LSAMP: variants seen among roughly 807,000 people sequenced by gnomAD.
LSAMP encodes the protein limbic system-associated membrane protein.
A neutral mutation model predicts 38.6 loss-of-function variants in LSAMP; 7 were observed. The ratio of observed to expected loss-of-function variants is 0.18; its 90% CI spans 0.10 to 0.34. The LOEUF (loss-of-function observed/expected upper bound fraction) is 0.34, where lower values mean the gene tolerates loss of function less well. Ranked by LOEUF, LSAMP falls within the 10% of genes least tolerant of loss-of-function variation. LSAMP has a pLI of 1.00. For missense variants in LSAMP, 313 were observed against 420.0 expected (o/e 0.75, Z 2.23); for synonymous variants, 154 against 166.8 (o/e 0.92, Z 0.59).
At chr3:116,006,622 T>C (rs895230948) in intron 3 of LSAMP, among the ~76,000 whole-genome samples, 2 of 152,136 alleles carry the variant, frequency 1.3e-5, no homozygotes, top group African/African-American at 4.8e-5. Context: ...CCATCCATCT[T>C]CACCTAGATG....
chr3:116,209,380 G>A lies in LSAMP; in HGVS notation c.156-122824C>T, dbSNP rs546095200. Among the ~76,000 whole-genome samples, 85 of 152,350 alleles carry A rather than the reference G, an allele frequency of 5.6e-4. No individual in the cohort carries two copies. In the South Asian group the frequency reaches 0.017, roughly 30 times the overall value. ...GTCTTCTGCTTCGCTCACGCTGGGA[G>A]CTGTAGACCGGAGCTGTTCCTGTTC... On this transcript the variant is annotated intron_variant, in intron 1 of 6. Transcript: ENST00000490035.
In LSAMP at chr3:115,931,527, G is replaced by T. The variant is rs567559386; in HGVS notation, c.515-78910C>A. On this transcript the variant is annotated intron_variant, in intron 3 of 6. Coordinates refer to ENST00000490035, the MANE Select transcript of LSAMP (RefSeq NM_002338.5). ...GTCAGACTGCAGGTACAAATGAGCC[G>T]TTGGGTCAGAGAGGGTCCTGTTTAG... 2.6e-5 allele frequency among the ~76,000 whole-genome samples: 4 copies of T among 152,268 alleles called. No individual in the cohort carries two copies. The East Asian group carries it at 7.7e-4, about 29-fold the overall frequency.
At chr3:116,141,837 A>G (rs544108497) in intron 1 of LSAMP, among the ~76,000 whole-genome samples, 31 of 152,066 alleles carry the variant, frequency 2.0e-4, no homozygotes, top group East Asian at 3.9e-4. Context: ...TTATCAGACT[A>G]TCATTGGTTG....
chr3:116,170,560 C>A (rs1157562440), intron 1 of LSAMP, among the ~76,000 whole-genome samples: 1 of 152,048 alleles, frequency 6.6e-6, no homozygotes, highest in Non-Finnish European at 1.5e-5. Flanking sequence ...AGCTAGCATA[C>A]CAGCCTCTGA....
At chr3:116,072,428 T>C (rs1052448318) in intron 2 of LSAMP, among the ~76,000 whole-genome samples, 5 of 152,184 alleles carry the variant, frequency 3.3e-5, no homozygotes, top group Admixed American at 6.5e-5. Context: ...AGTAATGAGA[T>C]TGCTGGGTCG....
chr3:116,101,240 CGGA>C (rs1374757277), intron 1 of LSAMP, among the ~76,000 whole-genome samples: 1 of 152,144 alleles, frequency 6.6e-6, no homozygotes. Flanking sequence ...GTGTTGAAAG[CGGA>C]GAAGTTGTGA....
At chr3:115,895,553 A>G (rs1559870949) in intron 3 of LSAMP, among the ~76,000 whole-genome samples, 1 of 152,118 alleles carries the variant, frequency 6.6e-6, no homozygotes. Context: ...ATTTTTCAGT[A>G]TAAGACCCCT....
intron 1 of LSAMP, among the ~76,000 whole-genome samples, chr3:116,172,551 T>G (rs942884739): frequency 6.6e-6 from 1 of 152,008 alleles, no homozygotes; most frequent in Non-Finnish European, 1.5e-5. Flanking sequence ...CAAAGGCAAC[T>G]TCAAACCTAG....
rs542699109 is a variant in LSAMP at position 115,972,998 on chromosome 3, G to A, written c.514+46517C>T. Among the ~76,000 whole-genome samples, 16 of 152,098 alleles carry A rather than the reference G, an allele frequency of 1.1e-4. No individual in the cohort carries two copies. The East Asian group carries it at 2.9e-3, about 28-fold the overall frequency. ...ACATTACTGGCAAAAACAGTGGAAT[G>A]AATGAAGAGATTGAGGCAGACAAGA... On this transcript the variant is annotated intron_variant, in intron 3 of 6. Coordinates refer to ENST00000490035, the MANE Select transcript of LSAMP (RefSeq NM_002338.5).
At chr3:116,401,725 T>C (rs1028294071) in intron 1 of LSAMP, among the ~76,000 whole-genome samples, 1 of 152,236 alleles carries the variant, frequency 6.6e-6, no homozygotes, top group Non-Finnish European at 1.5e-5. Context: ...AGCTCATAGA[T>C]ACAATTAGTT....
intron 1 of LSAMP, among the ~76,000 whole-genome samples, chr3:116,119,247 T>C (rs533919765): frequency 1.3e-5 from 2 of 152,016 alleles, no homozygotes; most frequent in South Asian, 4.2e-4. Flanking sequence ...GAGTAAAACA[T>C]GCTTTTTAAA....
chr3:116,310,437 A>T (rs768661326), intron 1 of LSAMP, among the ~76,000 whole-genome samples: 3 of 152,282 alleles, frequency 2.0e-5, no homozygotes, highest in Non-Finnish European at 4.4e-5. Flanking sequence ...TTGGTGTATG[A>T]GTGATTTTGA....
intron 3 of LSAMP, among the ~76,000 whole-genome samples, chr3:115,963,790 G>T (rs928564367): frequency 6.6e-6 from 1 of 152,154 alleles, no homozygotes; most frequent in Non-Finnish European, 1.5e-5. Flanking sequence ...GTCTTGCTGT[G>T]TTGCCCAGGC....
chr3:115,919,847 G>A (rs1017496054), intron 3 of LSAMP, among the ~76,000 whole-genome samples: 1 of 152,130 alleles, frequency 6.6e-6, no homozygotes, highest in African/African-American at 2.4e-5. Flanking sequence ...CCTGACCTCA[G>A]GTGATCCACT....
intron 1 of LSAMP, among the ~76,000 whole-genome samples, chr3:116,095,702 A>G (rs1708212307): frequency 6.6e-6 from 1 of 152,192 alleles, no homozygotes; most frequent in African/African-American, 2.4e-5. Context: ...TCACAGCTGG[A>G]GTTAGAGTCA....
At chr3:116,350,889 C>T (rs1288268042) in intron 1 of LSAMP, among the ~76,000 whole-genome samples, 2 of 151,834 alleles carry the variant, frequency 1.3e-5, no homozygotes, top group African/African-American at 4.8e-5. Context: ...TATGAAGTGC[C>T]ACAGTGCATG....
intron 1 of LSAMP, among the ~76,000 whole-genome samples, chr3:116,399,832 T>C (rs2107824497): frequency 6.6e-6 from 1 of 152,302 alleles, no homozygotes; most frequent in South Asian, 2.1e-4. Flanking sequence ...AAGCATAAAC[T>C]TATCCGAATT....
chr3:116,106,664 G>C (rs899679617), intron 1 of LSAMP, among the ~76,000 whole-genome samples: 2 of 152,134 alleles, frequency 1.3e-5, no homozygotes, highest in African/African-American at 4.8e-5. Flanking sequence ...ACTGTATAGA[G>C]GTGGGAAGGC....
At chr3:116,264,735 G>C (rs1389763477) in intron 1 of LSAMP, among the ~76,000 whole-genome samples, 1 of 152,124 alleles carries the variant, frequency 6.6e-6, no homozygotes, top group African/African-American at 2.4e-5. Flanking sequence ...ACCAGTAGCT[G>C]GGACTAATGG....
Sources: gnomAD v4.1 joint callset for allele counts (sites outside exome capture counted in the v4.1 genomes callset) on GRCh38, gnomAD v4.1.1 for gene constraint, MANE v1.5 for transcripts, NCBI Gene and HGNC (gene_info 2026-07-23, HGNC 2026-07-21) for gene names.